Variants in PRKG1 observed in about 807,000 individuals in gnomAD.
PRKG1 encodes cGMP-dependent protein kinase 1.
PRKG1 carries 35 observed loss-of-function variants against 88.1 expected under a neutral mutation model. The observed-to-expected ratio is 0.40, with a 90% CI of 0.30 to 0.53. The LOEUF (loss-of-function observed/expected upper bound fraction) is 0.53. Among genes scored for constraint, PRKG1 ranks in the 20% least tolerant of loss-of-function variants. The pLI is 0.59. For missense variants in PRKG1, 540 were observed against 839.8 expected, an observed-to-expected ratio of 0.64 and a Z score of 4.41; for synonymous variants, 303 against 292.5, an observed-to-expected ratio of 1.04 and a Z score of -0.37.
At chr10:51,935,745 T>A (rs1165216842) in intron 5 of PRKG1, among the ~76,000 whole-genome samples, 3 of 152,094 alleles carry the variant, frequency 2.0e-5, no homozygotes, top group Admixed American at 6.6e-5. Context: ...TTTTCTAGGT[T>A]TTTTTGCCAA....
intron 2 of PRKG1, among the ~76,000 whole-genome samples, chr10:51,199,010 A>C (rs1837845057): frequency 6.6e-6 from 1 of 152,238 alleles, no homozygotes; most frequent in Admixed American, 6.5e-5. Flanking sequence ...ATAAGAAGTG[A>C]TACTGAAAAA....
chr10:51,669,458 T>C (rs1405778989), intron 3 of PRKG1, among the ~76,000 whole-genome samples: 2 of 152,208 alleles, frequency 1.3e-5, no homozygotes, highest in Non-Finnish European at 2.9e-5. Context: ...CTTCAACATA[T>C]GAATTTGGAG....
chr10:52,028,266 G>T (rs1293212810), intron 5 of PRKG1, among the ~76,000 whole-genome samples: 2 of 152,056 alleles, frequency 1.3e-5, no homozygotes, highest in African/African-American at 2.4e-5. Context: ...CTACTTTTCA[G>T]ATGTGTACAG....
At chr10:51,948,347 G>A (rs950522194) in intron 5 of PRKG1, among the ~76,000 whole-genome samples, 1 of 152,076 alleles carries the variant, frequency 6.6e-6, no homozygotes, top group Admixed American at 6.6e-5. Flanking sequence ...CACTTCCTAA[G>A]TAGTAATTTT....
At chr10:51,456,502 AG>A (rs989439976) in intron 2 of PRKG1, among the ~76,000 whole-genome samples, 14 of 152,096 alleles carry the variant, frequency 9.2e-5, no homozygotes, top group Non-Finnish European at 1.6e-4. Flanking sequence ...AAAATAACAT[AG>A]GAAAAAAAAA....
At chr10:52,075,862 G>A (rs1166500416) in intron 7 of PRKG1, among the ~76,000 whole-genome samples, 2 of 152,046 alleles carry the variant, frequency 1.3e-5, no homozygotes, top group Non-Finnish European at 2.9e-5. Flanking sequence ...TTCTTGTAAG[G>A]GCACTAATTC....
intron 2 of PRKG1, among the ~76,000 whole-genome samples, chr10:51,175,450 T>A (rs1837165744): frequency 6.6e-6 from 1 of 151,972 alleles, no homozygotes; most frequent in Non-Finnish European, 1.5e-5. Flanking sequence ...CAAACATAAT[T>A]TTATACTTTA....
chr10:51,893,666 C>G (rs1000856371), intron 4 of PRKG1, among the ~76,000 whole-genome samples: 1 of 152,090 alleles, frequency 6.6e-6, no homozygotes, highest in Non-Finnish European at 1.5e-5. Context: ...AGCTAAATGA[C>G]GTGTTCCTTT....
intron 3 of PRKG1, among the ~76,000 whole-genome samples, chr10:51,569,308 A>T (rs1342335561): frequency 6.6e-6 from 1 of 152,016 alleles, no homozygotes; most frequent in Non-Finnish European, 1.5e-5. Flanking sequence ...CCTGACTAGG[A>T]CAGCTTCTTA....
chr10:51,481,245 T>G (rs1156797278), intron 3 of PRKG1, among the ~76,000 whole-genome samples: 1 of 137,998 alleles, frequency 7.2e-6, no homozygotes, highest in Non-Finnish European at 1.6e-5. Flanking sequence ...TCTTGCTCTC[T>G]CTGTCTCTTT....
chr10:51,450,614 A>G (rs1419474581), intron 2 of PRKG1, among the ~76,000 whole-genome samples: 1 of 152,094 alleles, frequency 6.6e-6, no homozygotes, highest in African/African-American at 2.4e-5. Flanking sequence ...GTTCATTAGA[A>G]GAGAACAAAC....
intron 4 of PRKG1, among the ~76,000 whole-genome samples, chr10:51,875,787 A>G (rs1842135721): frequency 6.6e-6 from 1 of 152,180 alleles, no homozygotes; most frequent in African/African-American, 2.4e-5. Flanking sequence ...CTGGGGGGAA[A>G]CATCGTTTTG....
chr10:51,747,342 G>T (rs560856972), intron 3 of PRKG1, among the ~76,000 whole-genome samples: 7 of 152,136 alleles, frequency 4.6e-5, no homozygotes, highest in Non-Finnish European at 8.8e-5. Flanking sequence ...GCACTCTCAG[G>T]TTAGCCTATT....
At position 52,072,407 on chromosome 10, in the gene PRKG1, C is replaced by T. The variant is rs113694248; in HGVS notation, c.935+9776C>T. Among the ~76,000 whole-genome samples, 1,398 of 151,964 alleles carry T rather than the reference C, an allele frequency of 9.2e-3. 23 individuals are homozygous for T. The highest frequency in any genetic ancestry group is 0.031 in the African/African-American group (1,294 of 41,436). ...CTTTTCTGGCCTGAGTTATTCTCCT[C>T]TTCAGGATTTATAAAGAGGAGATTA... On this transcript the variant is annotated intron_variant, in intron 7 of 17. Transcript: ENST00000373980.
chr10:52,120,547 A>G (rs1847796490), intron 7 of PRKG1, among the ~76,000 whole-genome samples: 1 of 152,180 alleles, frequency 6.6e-6, no homozygotes, highest in South Asian at 2.1e-4. Context: ...CATAAGATAG[A>G]TATTTTCATT....
intron 3 of PRKG1, among the ~76,000 whole-genome samples, chr10:51,516,156 G>A (rs1025029593): frequency 2.6e-5 from 4 of 152,112 alleles, no homozygotes; most frequent in African/African-American, 4.8e-5. Flanking sequence ...TTATTGATCT[G>A]TGAAAGTGGC....
intron 5 of PRKG1, among the ~76,000 whole-genome samples, chr10:52,012,645 C>T (rs1844922007): frequency 6.6e-6 from 1 of 152,112 alleles, no homozygotes; most frequent in South Asian, 2.1e-4. Flanking sequence ...CCTCTGCCTC[C>T]CAAAGTACTG....
chr10:51,102,250 G>A (rs1370365149), intron 1 of PRKG1, among the ~76,000 whole-genome samples: 1 of 152,122 alleles, frequency 6.6e-6, no homozygotes, highest in Non-Finnish European at 1.5e-5. Context: ...CTGCATATTT[G>A]TATAATTTAC....
chr10:51,796,680 A>T (rs1839020221), intron 3 of PRKG1, among the ~76,000 whole-genome samples: 2 of 152,098 alleles, frequency 1.3e-5, no homozygotes, highest in South Asian at 4.1e-4. Flanking sequence ...ATAAAACATA[A>T]TTTCTGGGTG....
Sources: gnomAD v4.1 joint callset for allele counts (sites outside exome capture counted in the v4.1 genomes callset) on GRCh38, gnomAD v4.1.1 for gene constraint, MANE v1.5 for transcripts, NCBI Gene and HGNC (gene_info 2026-07-23, HGNC 2026-07-21) for gene names.